Variants in CRPPA observed in about 807,000 individuals in gnomAD.
The protein encoded by CRPPA is CDP-L-ribitol pyrophosphorylase A, also known as D-ribitol-5-phosphate cytidylyltransferase.
Under a neutral mutation model 52.0 loss-of-function variants are expected in CRPPA, and 43 were observed. The ratio of observed to expected loss-of-function variants is 0.83; its 90% CI spans 0.65 to 1.07. The LOEUF is 1.07. CRPPA is among the 50% of genes least tolerant of loss of function. The pLI, the probability that CRPPA is intolerant of heterozygous loss-of-function variation, is 0.00. For synonymous variants in CRPPA, 250 were observed against 203.5 expected, an observed-to-expected ratio of 1.23 and a Z score of -1.94; for missense variants, 629 against 551.7, an observed-to-expected ratio of 1.14 and a Z score of -1.40.
At chr7:16,283,926 G>A (rs1041644461) in intron 5 of CRPPA, among the ~76,000 whole-genome samples, 14 of 151,890 alleles carry the variant, frequency 9.2e-5, no homozygotes, top group South Asian at 4.2e-4. Flanking sequence ...TTAAATTGAG[G>A]GAAATACAAT....
Position 16,188,756 on chromosome 7 carries a change from T to C in CRPPA, c.1251+27310A>G, listed in dbSNP as rs559614366. Among the ~76,000 whole-genome samples the C allele has an allele frequency of 5.3e-5, 8 of 152,310 alleles. No individual in the cohort carries two copies. The South Asian group carries it at 1.4e-3, about 28-fold the overall frequency. On this transcript the variant is annotated intron_variant, in intron 9 of 9. Transcript: ENST00000407010. ...CAAAAGCAGTATAATCCATATTAAA[T>C]GTATTTACTTTTATGTGGCTTTCAA...
At chr7:16,263,544 G>A (rs1206400465) in intron 6 of CRPPA, among the ~76,000 whole-genome samples, 1 of 152,148 alleles carries the variant, frequency 6.6e-6, no homozygotes, top group Admixed American at 6.5e-5. Context: ...CTGAGGTCAG[G>A]AGTTCAAGAC....
intron 3 of CRPPA, among the ~76,000 whole-genome samples, chr7:16,374,361 A>G (rs1197932644): frequency 6.6e-6 from 1 of 152,028 alleles, no homozygotes; most frequent in African/African-American, 2.4e-5. Context: ...CAACTTCTCT[A>G]CTTTTGAGGC....
chr7:16,110,633 G>A (rs571666255), intron 9 of CRPPA, among the ~76,000 whole-genome samples: 18 of 152,014 alleles, frequency 1.2e-4, no homozygotes, highest in African/African-American at 4.3e-4. Flanking sequence ...AGCTCAGAAA[G>A]GAATACATGC....
Position 16,238,129 on chromosome 7 carries a change from A to G in CRPPA, c.1119+20261T>C, listed in dbSNP as rs78883053. On this transcript the variant is annotated intron_variant, in intron 8 of 9. Coordinates refer to ENST00000407010, the MANE Select transcript of CRPPA (RefSeq NM_001101426.4). The stretch of plus-strand genomic sequence containing the variant: ...CTCTTATTATGAATCCTTATTTTAG[A>G]AAAAAACAGACCAATACAATTATTT... Among the ~76,000 whole-genome samples, 3 of 152,158 alleles carry G rather than the reference A, an allele frequency of 2.0e-5. No homozygotes were observed. In the South Asian group the frequency reaches 6.2e-4, roughly 31 times the overall value.
chr7:16,415,021 T>C (rs555503333), intron 1 of CRPPA, among the ~76,000 whole-genome samples: 22 of 147,820 alleles, frequency 1.5e-4, no homozygotes, highest in Middle Eastern at 3.5e-3. Flanking sequence ...AATCTTGATA[T>C]GTTAAATACT....
At chr7:16,273,021 T>A (rs912490570) in intron 6 of CRPPA, among the ~76,000 whole-genome samples, 13 of 151,932 alleles carry the variant, frequency 8.6e-5, no homozygotes, top group African/African-American at 2.4e-4. Context: ...ATGTGCAGGT[T>A]AGTTACATAT....
chr7:16,221,307 A>G (rs1264823626), intron 8 of CRPPA, among the ~76,000 whole-genome samples: 1 of 152,202 alleles, frequency 6.6e-6, no homozygotes, highest in African/African-American at 2.4e-5. Flanking sequence ...AGATGGATTA[A>G]AGACTTAAAC....
intron 9 of CRPPA, among the ~76,000 whole-genome samples, chr7:16,175,233 T>C (rs1020519052): frequency 5.3e-5 from 8 of 152,134 alleles, no homozygotes; most frequent in Non-Finnish European, 8.8e-5. Context: ...AAACATAATA[T>C]AAACCCAAAT....
chr7:16,184,928 T>A (rs1031107534), intron 9 of CRPPA, among the ~76,000 whole-genome samples: 4 of 152,232 alleles, frequency 2.6e-5, no homozygotes, highest in Non-Finnish European at 5.9e-5. Context: ...TCCTATAGAA[T>A]CTTTTAAGTG....
chr7:16,173,344 A>G (rs141466371), intron 9 of CRPPA, among the ~76,000 whole-genome samples: 8 of 152,334 alleles, frequency 5.3e-5, no homozygotes, highest in African/African-American at 1.4e-4. Context: ...AACAATCACT[A>G]TACTTAATAA....
At chr7:16,166,917 C>CTTT (rs1303118969) in intron 9 of CRPPA, among the ~76,000 whole-genome samples, 1 of 138,810 alleles carries the variant, frequency 7.2e-6, no homozygotes, top group Non-Finnish European at 1.5e-5. Context: ...CTTTCCCCTT[C>CTTT]TTTTCCAACC....
At chr7:16,250,480 T>A (rs1783416340) in intron 8 of CRPPA, among the ~76,000 whole-genome samples, 1 of 152,128 alleles carries the variant, frequency 6.6e-6, no homozygotes, top group Non-Finnish European at 1.5e-5. Context: ...GAGAGAAAGG[T>A]CAGGTTACCC....
At chr7:16,124,820 G>A (rs1782544121) in intron 9 of CRPPA, among the ~76,000 whole-genome samples, 1 of 151,670 alleles carries the variant, frequency 6.6e-6, no homozygotes. Context: ...ATGTCACATT[G>A]TACCCATAAA....
chr7:16,210,049 A>G (rs180844860), intron 9 of CRPPA, among the ~76,000 whole-genome samples: 25 of 152,332 alleles, frequency 1.6e-4, no homozygotes, highest in African/African-American at 6.0e-4. Context: ...TTTAAAAACA[A>G]TTTTACAGAT....
At chr7:16,241,006 C>G (rs969354059) in intron 8 of CRPPA, among the ~76,000 whole-genome samples, 6 of 152,106 alleles carry the variant, frequency 3.9e-5, no homozygotes, top group East Asian at 3.9e-4. Flanking sequence ...TTTTTCCATG[C>G]TATTACTTAG....
intron 3 of CRPPA, among the ~76,000 whole-genome samples, chr7:16,338,928 G>A (rs1785755015): frequency 6.7e-6 from 1 of 149,584 alleles, no homozygotes; most frequent in African/African-American, 2.5e-5. Context: ...CCATTCCTCT[G>A]CCTCAGCCTC....
chr7:16,404,520 A>C (rs1787902939), intron 2 of CRPPA, among the ~76,000 whole-genome samples: 1 of 152,118 alleles, frequency 6.6e-6, no homozygotes, highest in East Asian at 1.9e-4. Context: ...ATATCTCAGA[A>C]ATACTTTCTG....
intron 3 of CRPPA, among the ~76,000 whole-genome samples, chr7:16,320,338 T>C (rs1401878283): frequency 1.3e-5 from 2 of 152,132 alleles, no homozygotes; most frequent in African/African-American, 4.8e-5. Context: ...TAACATGAGG[T>C]AAATGAATAT....
Sources: allele counts gnomAD v4.1 joint callset (sites outside exome capture counted in the v4.1 genomes callset), GRCh38; gene constraint gnomAD v4.1.1; transcripts MANE v1.5; gene names NCBI Gene and HGNC (gene_info 2026-07-23, HGNC 2026-07-21).